The following TOP3A variants were observed in gnomAD, a reference collection of about 807,000 sequenced individuals.
TOP3A encodes DNA topoisomerase 3-alpha.
Under a neutral mutation model 111.3 loss-of-function variants are expected in TOP3A, and 64 were observed. That is an observed-to-expected ratio of 0.57 (90% CI 0.47 to 0.71). The LOEUF is 0.71. Among genes scored for constraint, TOP3A ranks in the 30% least tolerant of loss-of-function variants. TOP3A has a pLI of 0.00. For missense variants in TOP3A, 1,104 were observed against 1,285.0 expected, an observed-to-expected ratio of 0.86 and a Z score of 2.15; for synonymous variants, 484 against 485.1, an observed-to-expected ratio of 1.00 and a Z score of 0.03.
Position 18,290,869 on chromosome 17 carries a change from C to T in TOP3A, c.1440G>A (p.Val480=). Residue 480 remains valine, a synonymous_variant, in exon 12 of 19, where the codon GTG becomes GTA. Transcript: ENST00000321105. ...LMILARNYLD[V]YPYDHWSDKI... is the part of the protein sequence containing the mutation. Reference sequence around the variant, plus strand: ...TGTCACTCCAGTGATCATATGGATACACATCCAGATAGTTTCGGGCCAGAA... The same window carrying T: ...TGTCACTCCAGTGATCATATGGATATACATCCAGATAGTTTCGGGCCAGAA... 2 of 1,614,190 alleles carry T rather than the reference C, an allele frequency of 1.2e-6. No individual in the cohort carries two copies. The highest frequency in any genetic ancestry group is 2.2e-5 in the East Asian group (1 of 44,888).
chr17:18,299,076 A>G (rs1317529870), intron 9 of TOP3A, among the ~76,000 whole-genome samples: 1 of 151,196 alleles, frequency 6.6e-6, no homozygotes, highest in East Asian at 2.0e-4. Context: ...TAAAATTAAA[A>G]TTAAAAAAAA....
Position 18,271,905 on chromosome 17 carries a change from A to C in TOP3A, c.*2897T>G. 2 of 327,678 alleles carry C rather than the reference A, an allele frequency of 6.1e-6. No individual in the cohort carries two copies. The highest frequency in any genetic ancestry group is 1.2e-5 in the Non-Finnish European group (2 of 167,136). 20.3% of individuals were successfully genotyped at this position (327,678 alleles called of 1,614,324 possible). A position where few individuals can be genotyped will look rare whatever the true frequency, so the allele number is the denominator to read the frequency against. On this transcript the variant is annotated 3_prime_UTR_variant, in exon 19 of 19. Coordinates refer to ENST00000321105, the MANE Select transcript of TOP3A (RefSeq NM_004618.5). ...TGGTGAAACCCCGTCTTTACTAAAA[A>C]TACTAAACAAATTAGCTGGGTGTGG...
chr17:18,290,986 GAAATGGCGAACAAT>G lies in TOP3A; in HGVS notation c.1309_1322del (p.Ile437ProfsTer43). ...GAGCATCCTGGGAGCAGCAAGCCAG[GAAATGGCGAACAAT>G]AAACTCGTACAGTCGCTGTTCATCT... On this transcript the variant is annotated frameshift_variant, in exon 12 of 19. Transcript: ENST00000321105. LOFTEE classifies it high-confidence loss of function. The G allele has an allele frequency of 6.2e-7, 1 of 1,614,234 alleles. No individual in the cohort carries two copies. The highest frequency in any genetic ancestry group is 8.5e-7 in the Non-Finnish European group (1 of 1,180,040).
rs1278700726 is a variant in TOP3A, at chr17:18,277,902, AG to A, written c.2599del (p.Leu867TrpfsTer15). 1 of 1,613,964 alleles carries A rather than the reference AG, an allele frequency of 6.2e-7. No homozygotes were observed. Among genetic ancestry groups the A allele is most frequent in the Admixed American group, 1.7e-5 (1 of 60,026 alleles). On this transcript the variant is annotated frameshift_variant, in exon 18 of 19. Coordinates refer to ENST00000321105, the MANE Select transcript of TOP3A (RefSeq NM_004618.5). LOFTEE classifies it high-confidence loss of function. Reference sequence around the variant, plus strand: ...TGGTGGGCATCCCAGGGAGGCGCCCAGGGGTCTATATGCCAAGGCAGGAGGC... The same window carrying A: ...TGGTGGGCATCCCAGGGAGGCGCCCAGGGTCTATATGCCAAGGCAGGAGGC... Reference protein sequence around the residue: ...GGPPALAYRPLGASLGCPPGP... With the variant: ...GGPPALAYRPXGASLGCPPGP...
At chr17:18,284,264 G>T (rs571122002) in intron 15 of TOP3A, among the ~76,000 whole-genome samples, 4 of 151,356 alleles carry the variant, frequency 2.6e-5, no homozygotes, top group Non-Finnish European at 5.9e-5. Flanking sequence ...TACCCGCCTC[G>T]GCCTCCCAAA....
intron 2 of TOP3A, 200 bp downstream of exon 2, chr17:18,308,682 G>C: frequency 8.1e-6 from 3 of 372,104 alleles, no homozygotes; most frequent in Non-Finnish European, 1.4e-5. Context: ...TTTTTTTTTT[G>C]TAATGAAGAG....
chr17:18,314,747 C>G lies in TOP3A; in HGVS notation c.32G>C (p.Arg11Pro), dbSNP rs772324369. MIFPVARYAL[R>P]WLRRPEDRAF... is the part of the protein sequence containing the mutation. The stretch of plus-strand genomic sequence containing the variant: ...ACGGTCTTCGGGCCGTCGCAGCCAC[C>G]GGAGCGCGTAGCGGGCGACAGGAAA... Residue 11 changes from arginine to proline, a missense_variant, in exon 1 of 19, where the codon CGG becomes CCG. Transcript: ENST00000321105. 6.4e-7 allele frequency: 1 copy of G among 1,568,952 alleles called. No individual in the cohort carries two copies. The highest frequency in any genetic ancestry group is 1.7e-4 in the Middle Eastern group (1 of 5,888).
rs1555572046 is a variant in TOP3A, at chr17:18,305,475, AACAC to A, written c.391-259_391-256del. ...ATGACAAAACCTGAAATTCAGCTCTAACACACACACACGCGCGCGCGCGCGCGCG... is the reference window on the plus strand; with the variant it reads ...ATGACAAAACCTGAAATTCAGCTCTAACACACACGCGCGCGCGCGCGCGCG... On this transcript the variant is annotated intron_variant, in intron 4 of 18. Coordinates refer to ENST00000321105, the MANE Select transcript of TOP3A (RefSeq NM_004618.5). Among the ~76,000 whole-genome samples the A allele has an allele frequency of 4.1e-4, 60 of 146,762 alleles. 1 individual carries two copies. The highest frequency in any genetic ancestry group is 1.4e-3 in the African/African-American group (53 of 39,070).
At chr17:18,290,128 T>C (rs1348013023) in intron 13 of TOP3A, among the ~76,000 whole-genome samples, 1 of 152,212 alleles carries the variant, frequency 6.6e-6, no homozygotes, top group Non-Finnish European at 1.5e-5. Context: ...ATGCTCCACA[T>C]GGGAAGGAGG....
chr17:18,284,629 A>G (rs1341598116), intron 15 of TOP3A, among the ~76,000 whole-genome samples: 1 of 152,188 alleles, frequency 6.6e-6, no homozygotes, highest in Non-Finnish European at 1.5e-5. Context: ...AAAACACATC[A>G]TTTCTAACAA....
At chr17:18,298,423 G>C (rs1485982924) in intron 9 of TOP3A, among the ~76,000 whole-genome samples, 1 of 148,370 alleles carries the variant, frequency 6.7e-6, no homozygotes, top group Non-Finnish European at 1.5e-5. Context: ...CCGTCCGGGA[G>C]GGAGGTGGGG....
In TOP3A at chr17:18,314,941, C is replaced by A; in HGVS notation, c.-163G>T. The A allele has an allele frequency of 3.9e-6, 1 of 255,282 alleles. No homozygotes were observed. 15.8% of individuals were successfully genotyped at this position (255,282 alleles called of 1,614,324 possible). ...GGAGCTTCAGTCACTGAGCCTTTCCCGTGCCGCAGCCGCCGCCTCAGCACC... is the reference window on the plus strand; with the variant it reads ...GGAGCTTCAGTCACTGAGCCTTTCCAGTGCCGCAGCCGCCGCCTCAGCACC... On this transcript the variant is annotated 5_prime_UTR_variant, in exon 1 of 19. Transcript: ENST00000321105.
intron 8 of TOP3A, among the ~76,000 whole-genome samples, chr17:18,300,191 C>G (rs1228446159): frequency 6.6e-6 from 1 of 151,034 alleles, no homozygotes; most frequent in Non-Finnish European, 1.5e-5. Flanking sequence ...AGGTCGAGAG[C>G]TAGACCATCC....
chr17:18,291,183 G>C (rs1460149969), intron 11 of TOP3A, among the ~76,000 whole-genome samples, 156 bp from the exon 12 acceptor site: 2 of 152,238 alleles, frequency 1.3e-5, no homozygotes, highest in Non-Finnish European at 2.9e-5. Context: ...ACAAGTCCTG[G>C]GGAGAGGATG....
intron 1 of TOP3A, 74 bp downstream of exon 1, chr17:18,314,524 CT>C: frequency 6.8e-7 from 1 of 1,480,650 alleles, no homozygotes; most frequent in South Asian, 1.3e-5. Flanking sequence ...CATCTCGATT[CT>C]TGGCGCCCAC....
chr17:18,289,944 G>A (rs1980361839), intron 13 of TOP3A, among the ~76,000 whole-genome samples: 1 of 152,182 alleles, frequency 6.6e-6, no homozygotes, highest in Non-Finnish European at 1.5e-5. Flanking sequence ...AAGCCCTTGA[G>A]AGCCTTGACA....
At chr17:18,309,194 A>C (rs1981762275) in intron 1 of TOP3A, among the ~76,000 whole-genome samples, 2 of 152,168 alleles carry the variant, frequency 1.3e-5, no homozygotes, top group South Asian at 4.1e-4. Context: ...ATAATAATTA[A>C]ATAGAATAAT....
intron 2 of TOP3A, 190 bp downstream of exon 2, chr17:18,308,692 G>T: frequency 2.1e-6 from 1 of 483,510 alleles, no homozygotes; most frequent in Non-Finnish European, 3.6e-6. Context: ...GTAATGAAGA[G>T]CTGAGATGGG....
chr17:18,278,397 G>A, intron 17 of TOP3A, 40 bp from the exon 18 acceptor site: 2 of 1,489,008 alleles, frequency 1.3e-6, no homozygotes, highest in Non-Finnish European at 1.8e-6. Context: ...TTAACAACCA[G>A]ATGCCAGCTT....
Sources: gnomAD v4.1 joint callset for allele counts (sites outside exome capture counted in the v4.1 genomes callset) on GRCh38, gnomAD v4.1.1 for gene constraint, MANE v1.5 for transcripts, NCBI Gene and HGNC (gene_info 2026-07-23, HGNC 2026-07-21) for gene names.